The following ARHGEF37 variants were observed in gnomAD, a reference collection of about 807,000 sequenced individuals.
ARHGEF37 encodes Rho guanine nucleotide exchange factor (GEF) 37.
In ARHGEF37, 55 loss-of-function variants were observed where a neutral mutation model predicts 71.1. The ratio of observed to expected loss-of-function variants is 0.77; its 90% CI spans 0.62 to 0.97. ARHGEF37 has a LOEUF of 0.97. Ranked by LOEUF, ARHGEF37 falls within the 50% of genes least tolerant of loss-of-function variation. The pLI, the probability that ARHGEF37 is intolerant of heterozygous loss-of-function variation, is 0.00. For missense variants in ARHGEF37, 765 were observed against 836.8 expected, an observed-to-expected ratio of 0.91 and a Z score of 1.06; for synonymous variants, 327 against 350.6, an observed-to-expected ratio of 0.93 and a Z score of 0.75.
chr5:149,578,157 A>C (rs182281978), upstream of ARHGEF37, among the ~76,000 whole-genome samples: 2 of 152,294 alleles, frequency 1.3e-5, no homozygotes, highest in East Asian at 3.9e-4. Flanking sequence ...TAGCCTTTCT[A>C]CTGATTCTTT....
chr5:149,574,225 T>C (rs1196071444), intron 1 of ARHGEF37, among the ~76,000 whole-genome samples: 1 of 152,186 alleles, frequency 6.6e-6, no homozygotes, highest in Non-Finnish European at 1.5e-5. Flanking sequence ...ATTTTTCTCA[T>C]GCAGTTTCTA....
At chr5:149,562,948 A>G (rs1275332484) in intron 1 of ARHGEF37, among the ~76,000 whole-genome samples, 1 of 152,140 alleles carries the variant, frequency 6.6e-6, no homozygotes, top group Non-Finnish European at 1.5e-5. Context: ...GCTCATTTAC[A>G]TAGTTCATCT....
At chr5:149,612,817 C>A (rs1752237797) in intron 4 of ARHGEF37, among the ~76,000 whole-genome samples, 1 of 152,244 alleles carries the variant, frequency 6.6e-6, no homozygotes, top group Non-Finnish European at 1.5e-5. Context: ...ATAACTAGTT[C>A]TTTCTCAGTC....
At chr5:149,570,592 G>A (rs1762951543) in intron 1 of ARHGEF37, among the ~76,000 whole-genome samples, 1 of 136,442 alleles carries the variant, frequency 7.3e-6, no homozygotes, top group African/African-American at 2.8e-5. Context: ...AAAAAAAAAA[G>A]TTTGGCCAGG....
At chr5:149,599,434 C>CTTACTTATTTAT (rs144654314) in intron 2 of ARHGEF37, among the ~76,000 whole-genome samples, 1 of 147,814 alleles carries the variant, frequency 6.8e-6, no homozygotes, top group African/African-American at 2.5e-5. Flanking sequence ...CCAAGGCAAA[C>CTTACTTATTTAT]TTATTTATTT....
chr5:149,584,813 G>T lies in ARHGEF37; in HGVS notation c.-12+3189G>T, dbSNP rs371279962. On this transcript the variant is annotated intron_variant, in intron 1 of 12. Transcript: ENST00000333677. ...ATTTTTGTATTTTTAGTAGAGACAG[G>T]GTTTCACCATGTTGGCCAGGCTGGT... Among the ~76,000 whole-genome samples, 5 of 151,988 alleles carry T rather than the reference G, an allele frequency of 3.3e-5. No homozygotes were observed. In the East Asian group the frequency reaches 5.8e-4, roughly 18 times the overall value.
chr5:149,608,723 A>G (rs1407277966), intron 3 of ARHGEF37, among the ~76,000 whole-genome samples: 4 of 152,062 alleles, frequency 2.6e-5, no homozygotes, highest in Admixed American at 2.6e-4. Flanking sequence ...GAGCTAGAGG[A>G]GTGAAACACT....
At chr5:149,560,747 C>T (rs888818247) in intron 1 of ARHGEF37, among the ~76,000 whole-genome samples, 16 of 151,574 alleles carry the variant, frequency 1.1e-4, no homozygotes, top group African/African-American at 3.6e-4. Flanking sequence ...GTGGTAAAAC[C>T]CTGTTTGTAC....
chr5:149,589,834 AT>A lies in ARHGEF37; in HGVS notation c.-11-7913del, dbSNP rs953930020. ...ATGCCCGGCCGCCTGGCTAATTTAAATTTTTTTTTTTTAATAGAGATGGGGT... is the reference window on the plus strand; with the variant it reads ...ATGCCCGGCCGCCTGGCTAATTTAAATTTTTTTTTTTAATAGAGATGGGGT... On this transcript the variant is annotated intron_variant, in intron 1 of 12. Transcript: ENST00000333677. Among the ~76,000 whole-genome samples the A allele has an allele frequency of 2.5e-3, 371 of 146,244 alleles. 3 individuals carry two copies. The highest frequency in any genetic ancestry group is 7.3e-3 in the African/African-American group (291 of 39,924).
rs560683751 is a variant in ARHGEF37 at position 149,620,243 on chromosome 5, G to C, written c.895-111G>C. 1.5e-5 allele frequency: 10 copies of C among 674,596 alleles called. No individual in the cohort carries two copies. The African/African-American group carries it at 1.7e-4, about 11-fold the overall frequency. The allele number at this position is 674,596 out of a possible 1,614,324, so 41.8% of individuals were successfully genotyped here. ...TCAGCTGTGTGTGTCCCTCTCATTG[G>C]GGGTGTGTAGAGAGCCTGGAAAACC... On this transcript the variant is annotated intron_variant, in intron 7 of 12. Coordinates refer to ENST00000333677, the MANE Select transcript of ARHGEF37 (RefSeq NM_001001669.3).
rs1416491340 is a variant in ARHGEF37 at position 149,633,439 on chromosome 5, GGTAA to G, written c.*1251_*1254del. 6.6e-6 allele frequency: 1 copy of G among 152,212 alleles called. No homozygotes were observed. The highest frequency in any genetic ancestry group is 2.4e-5 in the African/African-American group (1 of 41,458). 9.4% of individuals were successfully genotyped at this position (152,212 alleles called of 1,614,324 possible). ...TCTATGTAGCCAGCCTCTTTAACTT[GGTAA>G]GTGAGCCACCCCATTCTAGAACCTG... On this transcript the variant is annotated 3_prime_UTR_variant, in exon 13 of 13. Coordinates refer to ENST00000333677, the MANE Select transcript of ARHGEF37 (RefSeq NM_001001669.3).
At chr5:149,558,659 C>T (rs982771265) in intron 1 of ARHGEF37, among the ~76,000 whole-genome samples, 1 of 151,488 alleles carries the variant, frequency 6.6e-6, no homozygotes, top group Non-Finnish European at 1.5e-5. Context: ...CCCAACCAGA[C>T]AACCCAATGA....
chr5:149,613,341 T>C (rs574872619), intron 4 of ARHGEF37, among the ~76,000 whole-genome samples: 1 of 140,744 alleles, frequency 7.1e-6, no homozygotes, highest in East Asian at 2.0e-4. Flanking sequence ...GATGGTTAGA[T>C]AGATAGAATT....
intron 2 of ARHGEF37, among the ~76,000 whole-genome samples, chr5:149,598,382 TCTTCCTCTTCCTCTC>T (rs1459346776): frequency 2.3e-4 from 26 of 111,812 alleles, no homozygotes; most frequent in Non-Finnish European, 4.2e-4. Context: ...CTCTTCCTCT[TCTTCCTCTTCCTCTC>T]CTTCCTCTTC....
upstream of ARHGEF37, among the ~76,000 whole-genome samples, chr5:149,580,722 T>A (rs1763089658): frequency 6.6e-6 from 1 of 152,090 alleles, no homozygotes. Context: ...CTACCAGCAG[T>A]AATAATAAAT....
At chr5:149,612,343 ATT>A (rs1752221131) in intron 4 of ARHGEF37, among the ~76,000 whole-genome samples, 1 of 151,958 alleles carries the variant, frequency 6.6e-6, no homozygotes, top group Non-Finnish European at 1.5e-5. Flanking sequence ...AATTTTTTGT[ATT>A]TTTAGTAGAG....
chr5:149,591,771 A>G (rs1425385217), intron 1 of ARHGEF37, among the ~76,000 whole-genome samples: 2 of 152,228 alleles, frequency 1.3e-5, no homozygotes, highest in Non-Finnish European at 2.9e-5. Flanking sequence ...TACTCTAGAT[A>G]TTGAACACTT....
At chr5:149,561,381 G>C (rs1270851983) in intron 1 of ARHGEF37, among the ~76,000 whole-genome samples, 1 of 151,692 alleles carries the variant, frequency 6.6e-6, no homozygotes, top group Non-Finnish European at 1.5e-5. Context: ...ATCTCTTTTA[G>C]TCTGAAAAGT....
At position 149,628,914 on chromosome 5, in the gene ARHGEF37, T is replaced by C. The variant is rs542138328; in HGVS notation, c.1766T>C (p.Leu589Pro). The C allele has an allele frequency of 3.1e-6, 5 of 1,613,344 alleles. No homozygotes were observed. The highest frequency in any genetic ancestry group is 2.2e-5 in the South Asian group (2 of 91,044). ...GGGCTGAACAAAGACCCCCGATGTC[T>C]AACACCGGAGCCCAGCCCAGCTCTA... ...QAGLNKDPRC[L>P]TPEPSPALVP... is the part of the protein sequence containing the mutation. Residue 589 changes from leucine (L) to proline (P), a missense_variant, in exon 12 of 13, where the codon CTA (leucine) becomes CCA (proline). Physicochemically the swap from Leu to Pro is moderately conservative, Grantham distance 98. This residue lies in a region of ARHGEF37 where 390 missense variants were observed against 407.4 expected (regional missense o/e 0.96). Transcript: ENST00000333677.
Sources: gnomAD v4.1 joint callset for allele counts (sites outside exome capture counted in the v4.1 genomes callset) on GRCh38, gnomAD v4.1.1 for gene constraint, gnomAD v4.1.1 regional missense constraint, MANE v1.5 for transcripts, NCBI Gene and HGNC (gene_info 2026-07-23, HGNC 2026-07-21) for gene names.